Variants in MACROD2 observed in about 807,000 individuals in gnomAD.
MACROD2 encodes the protein ADP-ribose glycohydrolase MACROD2.
Under a neutral mutation model 70.4 loss-of-function variants are expected in MACROD2, and 36 were observed. That is an observed-to-expected ratio of 0.51 (90% CI 0.39 to 0.68). The LOEUF (loss-of-function observed/expected upper bound fraction) is 0.68. Ranked by LOEUF, MACROD2 falls within the 30% of genes least tolerant of loss-of-function variation. MACROD2 has a pLI of 0.00. For synonymous variants in MACROD2, 172 were observed against 178.8 expected (o/e 0.96, Z 0.30); for missense variants, 496 against 538.4 (o/e 0.92, Z 0.78).
intron 15 of MACROD2, among the ~76,000 whole-genome samples, chr20:16,013,084 G>A (rs6043670): frequency 0.031 from 4,716 of 152,208 alleles, 215 homozygotes; most frequent in East Asian, 0.22. Flanking sequence ...GGAGGCTGAG[G>A]CAAGAGAATC....
intron 8 of MACROD2, among the ~76,000 whole-genome samples, chr20:15,570,226 G>A (rs2048359587): frequency 6.6e-6 from 1 of 151,994 alleles, no homozygotes; most frequent in African/African-American, 2.4e-5. Context: ...TTTTATAATA[G>A]CCATTCAAGC....
At chr20:14,718,367 A>G (rs1041360296) in intron 5 of MACROD2, among the ~76,000 whole-genome samples, 36 of 151,790 alleles carry the variant, frequency 2.4e-4, no homozygotes, top group Middle Eastern at 3.4e-3. Context: ...ACCACAGAGT[A>G]CAGTATTAGA....
At chr20:14,033,454 C>T (rs1244013770) in intron 2 of MACROD2, among the ~76,000 whole-genome samples, 2 of 151,920 alleles carry the variant, frequency 1.3e-5, no homozygotes, top group African/African-American at 4.8e-5. Context: ...CTATTCTATT[C>T]ATAGAATATT....
chr20:15,180,835 A>G (rs1457723203), intron 5 of MACROD2, among the ~76,000 whole-genome samples: 4 of 152,244 alleles, frequency 2.6e-5, no homozygotes, highest in African/African-American at 4.8e-5. Context: ...CAGCATCATA[A>G]AATTAAGAAA....
At chr20:15,259,031 T>C (rs1347323884) in intron 6 of MACROD2, among the ~76,000 whole-genome samples, 1 of 152,086 alleles carries the variant, frequency 6.6e-6, no homozygotes, top group Non-Finnish European at 1.5e-5. Context: ...AATGTAGACA[T>C]GTAACCTCAC....
chr20:14,929,746 G>A (rs1328266170), intron 5 of MACROD2, among the ~76,000 whole-genome samples: 1 of 152,064 alleles, frequency 6.6e-6, no homozygotes, highest in African/African-American at 2.4e-5. Context: ...ATGCTTGAAA[G>A]GGGCTTATTA....
intron 4 of MACROD2, among the ~76,000 whole-genome samples, chr20:14,612,278 A>G (rs1005744782): frequency 6.6e-6 from 1 of 152,180 alleles, no homozygotes; most frequent in Non-Finnish European, 1.5e-5. Flanking sequence ...TATTTAGATA[A>G]CATAAAATGA....
At chr20:15,193,844 C>T (rs1055202453) in intron 5 of MACROD2, among the ~76,000 whole-genome samples, 1 of 151,954 alleles carries the variant, frequency 6.6e-6, no homozygotes, top group African/African-American at 2.4e-5. Context: ...TAGTAAAAAG[C>T]AGCATCAGGT....
At chr20:14,749,133 T>G (rs147427974) in intron 5 of MACROD2, among the ~76,000 whole-genome samples, 4 of 152,266 alleles carry the variant, frequency 2.6e-5, no homozygotes, top group African/African-American at 4.8e-5. Context: ...AGTATTTTTC[T>G]CAGGACTTAT....
chr20:14,702,589 ATATATATG>A (rs1568747365), intron 5 of MACROD2, among the ~76,000 whole-genome samples: 4 of 568 alleles, frequency 7.0e-3, no homozygotes, highest in Non-Finnish European at 0.014. Flanking sequence ...ATATATATGT[ATATATATG>A]TGTGTATATA....
At chr20:15,423,469 C>A (rs143121339) in intron 6 of MACROD2, among the ~76,000 whole-genome samples, 33 of 152,304 alleles carry the variant, frequency 2.2e-4, no homozygotes, top group South Asian at 4.1e-4. Flanking sequence ...GCTGCTATAA[C>A]AAATACCATA....
intron 5 of MACROD2, among the ~76,000 whole-genome samples, chr20:15,177,180 G>GGCCGAGTGGGTGGAATGA (rs560736998): frequency 1.8e-4 from 28 of 152,166 alleles, no homozygotes; most frequent in Non-Finnish European, 3.1e-4. Context: ...CAGCCTGCTG[G>GGCCGAGTGGGTGGAATGA]GCCGAGTGGG....
At chr20:15,336,512 C>T (rs768077400) in intron 6 of MACROD2, among the ~76,000 whole-genome samples, 1 of 151,658 alleles carries the variant, frequency 6.6e-6, no homozygotes, top group Non-Finnish European at 1.5e-5. Context: ...ACCCTCTCAT[C>T]TCTTTCTGCA....
intron 8 of MACROD2, among the ~76,000 whole-genome samples, chr20:15,616,510 C>T (rs1198307059): frequency 6.6e-6 from 1 of 152,150 alleles, no homozygotes; most frequent in Non-Finnish European, 1.5e-5. Context: ...CACCTGGTAG[C>T]TCATTAGTGT....
At chr20:14,940,192 G>A (rs2074378501) in intron 5 of MACROD2, among the ~76,000 whole-genome samples, 1 of 150,504 alleles carries the variant, frequency 6.6e-6, no homozygotes, top group Admixed American at 6.7e-5. Flanking sequence ...AAGTTAGCTG[G>A]GTGTGGTGGC....
In MACROD2 at chr20:14,661,083, A is replaced by G. The variant is rs148487370; in HGVS notation, c.302-23760A>G. ...TATATACTCAGTAATGGGATTGCTG[A>G]GTCAACTGGTAATTCTGTTTCTAGT... is the stretch of plus-strand genomic sequence containing the variant. On this transcript the variant is annotated intron_variant, in intron 4 of 17. Coordinates refer to ENST00000684519, the MANE Select transcript of MACROD2 (RefSeq NM_001351661.2). Among the ~76,000 whole-genome samples, 413 of 152,186 alleles carry G rather than the reference A, an allele frequency of 2.7e-3. 1 individual carries two copies. Among genetic ancestry groups the G allele is most frequent in the Non-Finnish European group, 5.1e-3 (348 of 67,982 alleles).
intron 3 of MACROD2, among the ~76,000 whole-genome samples, chr20:14,104,114 G>T (rs553885394): frequency 3.3e-5 from 5 of 151,980 alleles, no homozygotes; most frequent in African/African-American, 4.8e-5. Context: ...AGGTGTAAGA[G>T]TATATATTTC....
intron 4 of MACROD2, among the ~76,000 whole-genome samples, chr20:14,660,941 A>G (rs1986196945): frequency 6.6e-6 from 1 of 151,768 alleles, no homozygotes; most frequent in South Asian, 2.1e-4. Flanking sequence ...CATTTCCTTT[A>G]TCTAATCTAC....
intron 5 of MACROD2, chr20:15,196,742 A>G (rs886336965): frequency 3.0e-5 from 10 of 333,140 alleles, no homozygotes; most frequent in Non-Finnish European, 3.8e-5. Context: ...AAAACTGTGA[A>G]GAAGGTACAA....
Sources: gnomAD v4.1 joint callset for allele counts (sites outside exome capture counted in the v4.1 genomes callset) on GRCh38, gnomAD v4.1.1 for gene constraint, MANE v1.5 for transcripts, NCBI Gene and HGNC (gene_info 2026-07-23, HGNC 2026-07-21) for gene names.